Variants in CFAP70 observed in about 807,000 individuals in gnomAD.
CFAP70 encodes cilia and flagella associated protein 70, also known as cilia- and flagella-associated protein 70.
A neutral mutation model predicts 137.6 loss-of-function variants in CFAP70; 81 were observed. The ratio of observed to expected loss-of-function variants is 0.59; its 90% confidence interval spans 0.49 to 0.71. The LOEUF (loss-of-function observed/expected upper bound fraction) is 0.71, where lower values mean the gene tolerates loss of function less well. Ranked by LOEUF, CFAP70 falls within the 30% of genes least tolerant of loss-of-function variation. The pLI is 0.00. For synonymous variants in CFAP70, 382 were observed against 423.6 expected, an observed-to-expected ratio of 0.90 and a Z score of 1.20; for missense variants, 976 against 1,226.7, an observed-to-expected ratio of 0.80 and a Z score of 3.05.
chr10:73,258,288 C>T (rs1178905466), intron 25 of CFAP70, among the ~76,000 whole-genome samples: 1 of 152,146 alleles, frequency 6.6e-6, no homozygotes, highest in South Asian at 2.1e-4. Context: ...TTTATTAGTT[C>T]CCCAAATTAA....
intron 12 of CFAP70, among the ~76,000 whole-genome samples, chr10:73,306,681 A>G (rs1460021670): frequency 6.6e-6 from 1 of 152,196 alleles, no homozygotes; most frequent in Non-Finnish European, 1.5e-5. Context: ...CAGCCTGGGA[A>G]ACATAGTGGG....
chr10:73,353,811 C>T, intron 2 of CFAP70, 69 bp from the exon 3 acceptor site: 2 of 1,497,854 alleles, frequency 1.3e-6, no homozygotes, highest in Non-Finnish European at 1.8e-6. Context: ...TCTGGTAACC[C>T]ATTTTGATTT....
chr10:73,272,955 C>T lies in CFAP70; in HGVS notation c.2898G>A (p.Trp966Ter). The change falls in exon 24 of 27, where the codon TGG (tryptophan) becomes TGA (stop). Residue 966 changes from tryptophan to a stop codon, truncating the protein, a stop_gained. Transcript: ENST00000310715. LOFTEE classifies it high-confidence loss of function. Reference sequence around the variant, plus strand: ...GATAGCAGGCGATTCCCAGTCCTAGCCAGGTAAGGCATGAAGGTGATCTCT... The same window carrying T: ...GATAGCAGGCGATTCCCAGTCCTAGTCAGGTAAGGCATGAAGGTGATCTCT... The T allele has an allele frequency of 6.4e-7, 1 of 1,552,868 alleles. No homozygotes were observed. The highest frequency in any genetic ancestry group is 8.7e-7 in the Non-Finnish European group (1 of 1,147,552).
chr10:73,259,434 CCT>C (rs1264097188), intron 25 of CFAP70, among the ~76,000 whole-genome samples: 13 of 152,074 alleles, frequency 8.5e-5, no homozygotes, highest in African/African-American at 3.1e-4. Context: ...ACTGCATATT[CCT>C]ATATTGTTCC....
intron 3 of CFAP70, among the ~76,000 whole-genome samples, chr10:73,349,598 CT>C (rs1451766600): frequency 6.6e-6 from 1 of 152,080 alleles, no homozygotes; most frequent in Non-Finnish European, 1.5e-5. Context: ...CTAGATCCCC[CT>C]ATATTGCCTA....
At chr10:73,293,364 T>C in exon 16 of CFAP70, 1 of 1,606,206 alleles carries the variant, frequency 6.2e-7, no homozygotes, top group Non-Finnish European at 8.5e-7. Flanking sequence ...GTTGCAACAG[T>C]GCCTTGGACA....
chr10:73,353,071 T>C (rs1170044625), intron 3 of CFAP70, among the ~76,000 whole-genome samples: 1 of 152,254 alleles, frequency 6.6e-6, no homozygotes. Context: ...ATAAAAATGC[T>C]CCTCCTGTGT....
chr10:73,299,164 TA>T, intron 13 of CFAP70, 63 bp from the exon 15 acceptor site: 1 of 1,235,376 alleles, frequency 8.1e-7, no homozygotes, highest in Non-Finnish European at 1.1e-6. Context: ...ATTGGAAGTC[TA>T]AAACTGGATT....
intron 7 of CFAP70, 79 bp from the exon 9 acceptor site, chr10:73,331,355 CT>C: frequency 8.1e-7 from 1 of 1,229,756 alleles, no homozygotes; most frequent in Non-Finnish European, 1.1e-6. Flanking sequence ...GAAATATTCT[CT>C]TTTAGAAAGT....
rs572849956 is a variant in CFAP70 at position 73,260,865 on chromosome 10, T to G, written c.3028-4449A>C. On this transcript the variant is annotated intron_variant, in intron 25 of 26. Transcript: ENST00000310715. Reference sequence around the variant, plus strand: ...TTATTTACCCATTCACTGATGGACATGTAAAATGTTCCCAGTTTTGTGCTA... The same window carrying G: ...TTATTTACCCATTCACTGATGGACAGGTAAAATGTTCCCAGTTTTGTGCTA... Among the ~76,000 whole-genome samples, 6 of 152,322 alleles carry G rather than the reference T, an allele frequency of 3.9e-5. No homozygotes were observed. The South Asian group carries it at 6.2e-4, about 16-fold the overall frequency.
At chr10:73,287,446 T>TG (rs1373347781) in intron 19 of CFAP70, among the ~76,000 whole-genome samples, 1 of 152,234 alleles carries the variant, frequency 6.6e-6, no homozygotes. Flanking sequence ...TTTATGTGTA[T>TG]GAAAAAACGA....
In CFAP70 at chr10:73,274,291, G is replaced by A. The variant is rs115688768; in HGVS notation, c.2835+142C>T. ...TGCTTCCACTAATTACTGGTTGTCT[G>A]ATGTTGGGCAAGTCACTTTACCTTT... On this transcript the variant is annotated intron_variant, in intron 23 of 26. Transcript: ENST00000310715. 1,702 of 944,868 alleles carry A rather than the reference G, an allele frequency of 1.8e-3. 18 individuals are homozygous for A. The African/African-American group carries it at 0.026, about 14-fold the overall frequency. 58.5% of individuals were successfully genotyped at this position (944,868 alleles called of 1,614,324 possible).
chr10:73,348,388 T>G (rs3812622), intron 4 of CFAP70, 35 bp downstream of exon 4: 169,317 of 1,586,646 alleles, frequency 0.11, 17,350 homozygotes, highest in African/African-American at 0.46. Flanking sequence ...TATGAGCTTT[T>G]CCATTTCTGC....
In CFAP70 at chr10:73,291,939, T is replaced by A. The variant is rs138059159; in HGVS notation, c.1846A>T (p.Ile616Phe). The A allele has an allele frequency of 3.1e-6, 5 of 1,614,088 alleles. No homozygotes were observed. In the African/African-American group the frequency reaches 4.0e-5, roughly 13 times the overall value. ...TTCTGAAAACACTCTTGTGCTTTGA[T>A]GTTGTCTTCAGTTAGGAGGCAGAAG... Residue 616 changes from isoleucine (I) to phenylalanine (F), a missense_variant, in exon 17 of 27, where the codon ATC becomes TTC. By Grantham distance (21) the Ile-to-Phe change is conservative. Transcript: ENST00000310715.
intron 8 of CFAP70, among the ~76,000 whole-genome samples, chr10:73,324,374 C>T (rs551996448): frequency 6.6e-6 from 1 of 152,210 alleles, no homozygotes; most frequent in African/African-American, 2.4e-5. Context: ...GATAAAACCA[C>T]AAAGATGGGG....
chr10:73,316,241 T>C (rs922031126), intron 9 of CFAP70, among the ~76,000 whole-genome samples: 4 of 151,956 alleles, frequency 2.6e-5, no homozygotes, highest in African/African-American at 4.8e-5. Context: ...AAACAGTATA[T>C]AGTTGAATCT....
At chr10:73,362,204 A>G (rs775990571), upstream of CFAP70, among the ~76,000 whole-genome samples, 6 of 152,230 alleles carry the variant, frequency 3.9e-5, no homozygotes, top group Non-Finnish European at 8.8e-5. Context: ...AACAATGTCC[A>G]CATGCAAAGA....
At chr10:73,308,527 C>T (rs900470013) in intron 12 of CFAP70, among the ~76,000 whole-genome samples, 5 of 150,942 alleles carry the variant, frequency 3.3e-5, no homozygotes, top group African/African-American at 4.9e-5. Context: ...ACTCAGGAGG[C>T]TGAGGCAGGA....
chr10:73,341,937 C>G (rs1179801734), intron 5 of CFAP70, among the ~76,000 whole-genome samples: 1 of 152,206 alleles, frequency 6.6e-6, no homozygotes, highest in Non-Finnish European at 1.5e-5. Flanking sequence ...AACTCATTGT[C>G]ACATTTTACT....
Sources: allele counts gnomAD v4.1 joint callset (sites outside exome capture counted in the v4.1 genomes callset), GRCh38; gene constraint gnomAD v4.1.1; transcripts MANE v1.5; gene names NCBI Gene and HGNC (gene_info 2026-07-23, HGNC 2026-07-21).